Variants in NOS1AP observed in about 807,000 individuals in gnomAD.
The protein encoded by NOS1AP is carboxyl-terminal PDZ ligand of neuronal nitric oxide synthase protein.
NOS1AP carries 21 observed loss-of-function variants against 56.2 expected under a neutral mutation model. The observed-to-expected ratio is 0.37, with a 90% confidence interval of 0.26 to 0.54. The LOEUF (loss-of-function observed/expected upper bound fraction) is 0.54. Among genes scored for constraint, NOS1AP ranks in the 20% least tolerant of loss-of-function variants. NOS1AP has a pLI of 0.84. For missense variants in NOS1AP, 522 were observed against 657.8 expected (o/e 0.79, Z 2.26); for synonymous variants, 270 against 274.6 (o/e 0.98, Z 0.17).
intron 4 of NOS1AP, among the ~76,000 whole-genome samples, chr1:162,311,519 A>G (rs1656025818): frequency 6.6e-6 from 1 of 152,078 alleles, no homozygotes; most frequent in Admixed American, 6.5e-5. Flanking sequence ...ATATGTACAT[A>G]TTAGCACATG....
At chr1:162,179,017 T>C (rs1294174233) in intron 2 of NOS1AP, among the ~76,000 whole-genome samples, 5 of 152,138 alleles carry the variant, frequency 3.3e-5, no homozygotes, top group Non-Finnish European at 5.9e-5. Context: ...TGCTGGTGGT[T>C]ATGTATACTG....
intron 2 of NOS1AP, among the ~76,000 whole-genome samples, chr1:162,163,149 T>C (rs536955478): frequency 3.3e-4 from 50 of 152,358 alleles, no homozygotes; most frequent in African/African-American, 1.1e-3. Context: ...TTTCTTTTTG[T>C]TGCTGAGTAA....
At chr1:162,216,460 T>G (rs942269559) in intron 2 of NOS1AP, among the ~76,000 whole-genome samples, 1 of 152,220 alleles carries the variant, frequency 6.6e-6, no homozygotes, top group African/African-American at 2.4e-5. Flanking sequence ...GACCATTTCC[T>G]TCTAGAGCGG....
intron 2 of NOS1AP, among the ~76,000 whole-genome samples, chr1:162,262,872 C>G (rs1438711977): frequency 6.6e-6 from 1 of 152,188 alleles, no homozygotes; most frequent in Admixed American, 6.5e-5. Flanking sequence ...TAAGTATATT[C>G]TCTTTATGAT....
intron 4 of NOS1AP, among the ~76,000 whole-genome samples, chr1:162,318,597 T>G (rs936275872): frequency 1.3e-5 from 2 of 152,138 alleles, no homozygotes; most frequent in African/African-American, 4.8e-5. Context: ...TATTACGCCC[T>G]CCATTTAAAT....
rs535503483 is a variant in NOS1AP, at chr1:162,228,379, C to T, written c.178-58965C>T. ...CCGTGGCATTGATGCCTAGAAAGGC[C>T]AGAATGGTGGAGATGAAGGAAATGA... On this transcript the variant is annotated intron_variant, in intron 2 of 9. Transcript: ENST00000361897. Among the ~76,000 whole-genome samples, 4 of 152,226 alleles carry T rather than the reference C, an allele frequency of 2.6e-5. No homozygotes were observed. In the South Asian group the frequency reaches 8.3e-4, roughly 32 times the overall value.
intron 2 of NOS1AP, among the ~76,000 whole-genome samples, chr1:162,280,192 A>G (rs912066369): frequency 2.0e-5 from 3 of 152,244 alleles, no homozygotes; most frequent in Non-Finnish European, 4.4e-5. Flanking sequence ...TAAAAAATGT[A>G]TGAAAGGTAA....
intron 6 of NOS1AP, among the ~76,000 whole-genome samples, chr1:162,344,741 T>C (rs1162760063): frequency 4.8e-5 from 7 of 146,698 alleles, no homozygotes; most frequent in Non-Finnish European, 9.0e-5. Context: ...AGACAATAAA[T>C]GTGAAAAAAT....
chr1:162,301,813 C>T (rs1655673481), intron 4 of NOS1AP, among the ~76,000 whole-genome samples: 1 of 152,162 alleles, frequency 6.6e-6, no homozygotes, highest in Non-Finnish European at 1.5e-5. Context: ...CAAATTATTG[C>T]CATGCTTTTG....
intron 2 of NOS1AP, among the ~76,000 whole-genome samples, chr1:162,169,643 A>G (rs918372069): frequency 1.3e-5 from 2 of 152,182 alleles, no homozygotes; most frequent in African/African-American, 4.8e-5. Flanking sequence ...GTGCATTGGT[A>G]GAGCTGGAGG....
chr1:162,212,774 C>T (rs1652414396), intron 2 of NOS1AP, among the ~76,000 whole-genome samples: 1 of 151,388 alleles, frequency 6.6e-6, no homozygotes, highest in South Asian at 2.1e-4. Context: ...GAGTCTCCTA[C>T]CTCTCCTTCT....
At chr1:162,281,206 G>A (rs1316764151) in intron 2 of NOS1AP, among the ~76,000 whole-genome samples, 1 of 152,156 alleles carries the variant, frequency 6.6e-6, no homozygotes, top group Non-Finnish European at 1.5e-5. Context: ...GACCATATAA[G>A]GAAGATTAGT....
chr1:162,154,791 A>G (rs1649865640), intron 2 of NOS1AP, among the ~76,000 whole-genome samples: 1 of 152,028 alleles, frequency 6.6e-6, no homozygotes, highest in Admixed American at 6.6e-5. Flanking sequence ...TTTTTATTCA[A>G]AGATTTTAGG....
intron 1 of NOS1AP, among the ~76,000 whole-genome samples, chr1:162,109,340 TA>T (rs1363345497): frequency 6.6e-6 from 1 of 152,258 alleles, no homozygotes; most frequent in Non-Finnish European, 1.5e-5. Flanking sequence ...GGCTATCTGA[TA>T]AAACAAATTG....
intron 3 of NOS1AP, among the ~76,000 whole-genome samples, chr1:162,295,959 C>CTA (rs200505649): frequency 0.071 from 10,851 of 152,124 alleles, 428 homozygotes; most frequent in Middle Eastern, 0.095. Flanking sequence ...AGTTCTTGGA[C>CTA]TATCATTCAG....
intron 2 of NOS1AP, among the ~76,000 whole-genome samples, chr1:162,272,939 G>C (rs1458498109): frequency 6.6e-6 from 1 of 152,070 alleles, no homozygotes; most frequent in Non-Finnish European, 1.5e-5. Flanking sequence ...ACCTCCCATA[G>C]GGATTGAGTT....
At chr1:162,337,319 C>CA (rs1181370117) in intron 5 of NOS1AP, among the ~76,000 whole-genome samples, 11 of 152,160 alleles carry the variant, frequency 7.2e-5, no homozygotes, top group African/African-American at 2.7e-4. Context: ...ATAATGCTGT[C>CA]ACTATCAAAT....
At position 162,197,679 on chromosome 1, in the gene NOS1AP, C is replaced by T. The variant is rs536470314; in HGVS notation, c.177+43203C>T. ...TCAGGAGAGAGGAAGTGACTTGTCT[C>T]GGGTCACTTAGGGGCTAGGCCTCGC... is the stretch of plus-strand genomic sequence containing the variant. On this transcript the variant is annotated intron_variant, in intron 2 of 9. Transcript: ENST00000361897. Among the ~76,000 whole-genome samples, 9 of 152,296 alleles carry T rather than the reference C, an allele frequency of 5.9e-5. No homozygotes were observed. In the South Asian group the frequency reaches 1.7e-3, roughly 28 times the overall value.
At chr1:162,352,257 C>T (rs1382465734) in intron 6 of NOS1AP, among the ~76,000 whole-genome samples, 1 of 152,086 alleles carries the variant, frequency 6.6e-6, no homozygotes, top group East Asian at 1.9e-4. Flanking sequence ...TGGGGTTTCA[C>T]CATGTTGGCC....
Sources: allele counts gnomAD v4.1 joint callset (sites outside exome capture counted in the v4.1 genomes callset), GRCh38; gene constraint gnomAD v4.1.1; transcripts MANE v1.5; gene names NCBI Gene and HGNC (gene_info 2026-07-23, HGNC 2026-07-21).